Variants in TBXA2R observed in about 807,000 individuals in gnomAD.
TBXA2R encodes the protein thromboxane A2 receptor, also known as prostanoid TP receptor.
Under a neutral mutation model 15.6 loss-of-function variants are expected in TBXA2R, and 15 were observed. The observed-to-expected ratio is 0.96, with a 90% CI of 0.64 to 1.48. The LOEUF is 1.48. TBXA2R is among the 40% of genes most tolerant of loss of function. The probability of loss-of-function intolerance (pLI) is 0.00; values close to 1 mark genes in which losing one functional copy is unlikely to be tolerated. For missense variants in TBXA2R, 506 were observed against 491.4 expected, an observed-to-expected ratio of 1.03 and a Z score of -0.28; for synonymous variants, 280 against 241.2, an observed-to-expected ratio of 1.16 and a Z score of -1.49.
chr19:3,595,626 TG>T lies in TBXA2R; in HGVS notation c.*61del. Reference sequence around the variant, plus strand: ...CCCCTGAATCCTCAGAACAGGCAGATGGGCTGTCCGAGGGGCCAAGGGCTCC... The same window carrying T: ...CCCCTGAATCCTCAGAACAGGCAGATGGCTGTCCGAGGGGCCAAGGGCTCC... On this transcript the variant is annotated 3_prime_UTR_variant, in exon 3 of 3. Transcript: ENST00000375190. The T allele has an allele frequency of 1.3e-6, 2 of 1,503,838 alleles. No homozygotes were observed. The highest frequency in any genetic ancestry group is 1.8e-6 in the Non-Finnish European group (2 of 1,121,168). 93.2% of individuals were successfully genotyped at this position (1,503,838 alleles called of 1,614,324 possible).
rs1377287929 is a variant in TBXA2R, at chr19:3,595,253, C to T, written c.*435G>A. 3 of 860,658 alleles carry T rather than the reference C, an allele frequency of 3.5e-6. No homozygotes were observed. Among genetic ancestry groups the T allele is most frequent in the Non-Finnish European group, 4.9e-6 (3 of 613,048 alleles). The allele number at this position is 860,658 out of a possible 1,614,324, so 53.3% of individuals were successfully genotyped here. A position where few individuals can be genotyped will look rare whatever the true frequency, so the allele number is the denominator to read the frequency against. ...AATTAGCCGGGCGTGGTGGCGCGCG[C>T]CTATAGTCCCAGCTACTCAGGAGGC... On this transcript the variant is annotated 3_prime_UTR_variant, in exon 3 of 3. Transcript: ENST00000375190.
intron 1 of TBXA2R, among the ~76,000 whole-genome samples, chr19:3,601,960 G>A (rs573241319): frequency 6.6e-6 from 1 of 151,972 alleles, no homozygotes; most frequent in African/African-American, 2.4e-5. Flanking sequence ...GGTGGCTCAC[G>A]CCTGTAATCC....
Position 3,595,686 on chromosome 19 carries a change from T to C in TBXA2R, c.*2A>G, listed in dbSNP as rs774470557. 6.3e-7 allele frequency: 1 copy of C among 1,581,260 alleles called. No homozygotes were observed. Among genetic ancestry groups the C allele is most frequent in the Non-Finnish European group, 8.6e-7 (1 of 1,164,334 alleles). ...GCGCGGGAGGGGCGCTCTGTCCACT[T>C]CCTACTGCAGCCCGGAGCGCTGCGT... On this transcript the variant is annotated 3_prime_UTR_variant, in exon 3 of 3. Coordinates refer to ENST00000375190, the MANE Select transcript of TBXA2R (RefSeq NM_001060.6).
intron 2 of TBXA2R, among the ~76,000 whole-genome samples, chr19:3,597,043 G>A (rs188087683): frequency 0.024 from 3,331 of 138,440 alleles, 110 homozygotes; most frequent in African/African-American, 0.085. Context: ...GGGTTCAAGC[G>A]ATTCTCCTGC....
chr19:3,594,962 C>G lies in TBXA2R; in HGVS notation c.*726G>C, dbSNP rs200731530. The G allele has an allele frequency of 1.3e-6, 2 of 1,534,976 alleles. No individual in the cohort carries two copies. Among genetic ancestry groups the G allele is most frequent in the Non-Finnish European group, 8.7e-7 (1 of 1,146,160 alleles). ...GGGCGCAGTGGCTTACGCCTGTAAT[C>G]CCAGCTGCTCGGGAGGCTGAGGCAC... On this transcript the variant is annotated 3_prime_UTR_variant, in exon 3 of 3. Transcript: ENST00000375190.
intron 1 of TBXA2R, among the ~76,000 whole-genome samples, chr19:3,601,752 C>T (rs1438569227): frequency 6.6e-6 from 1 of 151,812 alleles, no homozygotes; most frequent in Non-Finnish European, 1.5e-5. Flanking sequence ...CATGGTGAAA[C>T]CCCATCTTCA....
rs199952923 is a variant in TBXA2R, at chr19:3,599,918, G to C, written c.717C>G (p.Ser239=). Residue 239 remains serine (S), a synonymous_variant, in exon 2 of 3, where the codon TCC becomes TCG. Transcript: ENST00000375190. The part of the protein sequence containing the change: ...QEAAQQRPRD[S]EVEMMAQLLG... The stretch of plus-strand genomic sequence containing the variant: ...GGAGCTGAGCCATCATCTCCACCTC[G>C]GAGTCCCGGGGACGCTGCTGGGCCG... The C allele has an allele frequency of 1.3e-6, 2 of 1,550,144 alleles. No individual in the cohort carries two copies. Among genetic ancestry groups the C allele is most frequent in the Non-Finnish European group, 1.7e-6 (2 of 1,147,430 alleles).
At chr19:3,601,385 T>A in intron 1 of TBXA2R, among the ~76,000 whole-genome samples, 1 of 150,272 alleles carries the variant, frequency 6.7e-6, no homozygotes, top group African/African-American at 2.4e-5. Flanking sequence ...TATATCTGGG[T>A]GTAGTGGTAT....
In TBXA2R at chr19:3,600,469, C is replaced by A. The variant is rs1194034871; in HGVS notation, c.166G>T (p.Gly56Cys). 3.1e-6 allele frequency: 5 copies of A among 1,612,728 alleles called. No individual in the cohort carries two copies. The highest frequency in any genetic ancestry group is 4.2e-6 in the Non-Finnish European group (5 of 1,179,634). The change falls in exon 2 of 3, where the codon GGT (glycine) becomes TGT (cysteine). Residue 56 changes from glycine (G) to cysteine (C), a missense_variant. Coordinates refer to ENST00000375190, the MANE Select transcript of TBXA2R (RefSeq NM_001060.6). ...LSVLAGARQG[G>C]SHTRSSFLTF... Reference sequence around the variant, plus strand: ...AGGAAGGAGGAGCGCGTGTGCGAACCCCCCTGCCGCGCGCCCGCCAGCACG... The same window carrying A: ...AGGAAGGAGGAGCGCGTGTGCGAACACCCCTGCCGCGCGCCCGCCAGCACG...
At chr19:3,605,097 C>A (rs1215437038) in intron 1 of TBXA2R, among the ~76,000 whole-genome samples, 2 of 152,244 alleles carry the variant, frequency 1.3e-5, no homozygotes, top group Non-Finnish European at 2.9e-5. Context: ...GGGACTCCCC[C>A]AGCCAGCCAG....
At chr19:3,597,600 C>T (rs1214453177) in intron 2 of TBXA2R, among the ~76,000 whole-genome samples, 1 of 151,822 alleles carries the variant, frequency 6.6e-6, no homozygotes, top group African/African-American at 2.4e-5. Flanking sequence ...CACTGCACTC[C>T]AGCCTGGGTG....
At chr19:3,601,747 T>C (rs1173658534) in intron 1 of TBXA2R, among the ~76,000 whole-genome samples, 1 of 150,874 alleles carries the variant, frequency 6.6e-6, no homozygotes, top group Non-Finnish European at 1.5e-5. Context: ...GCCAACATGG[T>C]GAAACCCCAT....
rs377397198 is a variant in TBXA2R at position 3,596,941 on chromosome 19, A to AT, written c.787-1009dup. Among the ~76,000 whole-genome samples the AT allele has an allele frequency of 5.0e-3, 704 of 142,196 alleles. 9 individuals are homozygous for AT. Among genetic ancestry groups the AT allele is most frequent in the South Asian group, 0.046 (208 of 4,478 alleles). 93.3% of individuals were successfully genotyped at this position (142,196 alleles called of 152,430 possible). A position where few individuals can be genotyped will look rare whatever the true frequency, so the allele number is the denominator to read the frequency against. On this transcript the variant is annotated intron_variant, in intron 2 of 2. Coordinates refer to ENST00000375190, the MANE Select transcript of TBXA2R (RefSeq NM_001060.6). The stretch of plus-strand genomic sequence containing the variant: ...ATCTATAGGTCAGGATTGATGGGAA[A>AT]TTTTTTTTTTTTTTTGAGACGGAGT...
Position 3,594,766 on chromosome 19 carries a change from G to C in TBXA2R, c.*922C>G, listed in dbSNP as rs932631564. 8 of 1,382,628 alleles carry C rather than the reference G, an allele frequency of 5.8e-6. No homozygotes were observed. In the Admixed American group the frequency reaches 6.5e-5, roughly 11 times the overall value. 85.6% of individuals were successfully genotyped at this position (1,382,628 alleles called of 1,614,324 possible). A position where few individuals can be genotyped will look rare whatever the true frequency, so the allele number is the denominator to read the frequency against. On this transcript the variant is annotated 3_prime_UTR_variant, in exon 3 of 3. Transcript: ENST00000375190. ...AAACTCCAGAGATTGAAAACTTCTGGACCCAAAGGAAAATAAAACCAAAGG... is the reference window on the plus strand; with the variant it reads ...AAACTCCAGAGATTGAAAACTTCTGCACCCAAAGGAAAATAAAACCAAAGG...
chr19:3,595,161 C>T lies in TBXA2R; in HGVS notation c.*527G>A. 1 of 627,706 alleles carries T rather than the reference C, an allele frequency of 1.6e-6. No individual in the cohort carries two copies. The highest frequency in any genetic ancestry group is 3.1e-5 in the East Asian group (1 of 31,864). 38.9% of individuals were successfully genotyped at this position (627,706 alleles called of 1,614,324 possible). A position where few individuals can be genotyped will look rare whatever the true frequency, so the allele number is the denominator to read the frequency against. On this transcript the variant is annotated 3_prime_UTR_variant, in exon 3 of 3. Transcript: ENST00000375190. ...TGGGAGGCTGAGGCTGGTGAATCACCTGAGGTCAGGAGTTCAAGACCAGCC... is the reference window on the plus strand; with the variant it reads ...TGGGAGGCTGAGGCTGGTGAATCACTTGAGGTCAGGAGTTCAAGACCAGCC...
At chr19:3,603,171 C>T (rs928004466) in intron 1 of TBXA2R, among the ~76,000 whole-genome samples, 12 of 152,250 alleles carry the variant, frequency 7.9e-5, no homozygotes, top group Non-Finnish European at 1.5e-4. Flanking sequence ...CAGCAGCTAA[C>T]GCATTCCAGG....
chr19:3,603,420 T>C (rs147012736), intron 1 of TBXA2R, among the ~76,000 whole-genome samples: 1 of 152,308 alleles, frequency 6.6e-6, no homozygotes, highest in East Asian at 1.9e-4. Flanking sequence ...TCGCGGCCTC[T>C]GGCGATCGTT....
At position 3,599,889 on chromosome 19, in the gene TBXA2R, C is replaced by A; in HGVS notation, c.746G>T (p.Gly249Val). The change falls in exon 2 of 3, where the codon GGG becomes GTG. Residue 249 changes from glycine (G) to valine (V), a missense_variant. By Grantham distance (109) the Gly-to-Val change is moderately radical. Transcript: ENST00000375190. Reference sequence around the variant, plus strand: ...ACACACGCTGGCCACCACCATGATCCCCAGGAGCTGAGCCATCATCTCCAC... The same window carrying A: ...ACACACGCTGGCCACCACCATGATCACCAGGAGCTGAGCCATCATCTCCAC... ...SEVEMMAQLL[G>V]IMVVASVCWL... 6.5e-7 allele frequency: 1 copy of A among 1,549,306 alleles called. No homozygotes were observed. Among genetic ancestry groups the A allele is most frequent in the Non-Finnish European group, 8.7e-7 (1 of 1,147,006 alleles).
intron 2 of TBXA2R, among the ~76,000 whole-genome samples, chr19:3,599,521 A>G (rs1450476915): frequency 6.6e-6 from 1 of 151,708 alleles, no homozygotes; most frequent in Non-Finnish European, 1.5e-5. Flanking sequence ...TAGTAGAGAC[A>G]GTGTTTCACC....
Sources: gnomAD v4.1 joint callset for allele counts (sites outside exome capture counted in the v4.1 genomes callset) on GRCh38, gnomAD v4.1.1 for gene constraint, MANE v1.5 for transcripts, NCBI Gene and HGNC (gene_info 2026-07-23, HGNC 2026-07-21) for gene names.